Variants in PABPC4L observed in about 807,000 individuals in gnomAD.
PABPC4L encodes the protein poly(A) binding protein cytoplasmic 4 like, also known as polyadenylate-binding protein 4-like.
For synonymous variants in PABPC4L, 169 were observed against 164.1 expected (o/e 1.03, Z -0.23); for missense variants, 452 against 451.4 (o/e 1.00, Z -0.01).
the PABPC4L span, among the ~76,000 whole-genome samples, chr4:134,034,581 A>C: frequency 6.6e-6 from 1 of 152,052 alleles, no homozygotes; most frequent in Non-Finnish European, 1.5e-5. Flanking sequence ...AACTATCAAC[A>C]TTCACAGCAA....
Position 134,200,488 on chromosome 4 carries a change from G to C in PABPC4L, c.532C>G (p.Arg178Gly), listed in dbSNP as rs762361113. The C allele has an allele frequency of 1.8e-5, 28 of 1,551,430 alleles. No individual in the cohort carries two copies. The East Asian group carries it at 6.6e-4, about 37-fold the overall frequency. The change falls in exon 2 of 2, where the codon CGT becomes GGT. Residue 178 changes from arginine (R) to glycine (G), a missense_variant. Physicochemically the swap from Arg to Gly is moderately radical, Grantham distance 125. Coordinates refer to ENST00000421491, the MANE Select transcript of PABPC4L (RefSeq NM_001114734.2). ...GCTTTGCTTCTGAGTTCAGCTTCAC[G>C]ATCTTTTCGGTTTTTGAATCTGCCA... is the stretch of plus-strand genomic sequence containing the variant. ...FVGRFKNRKD[R>G]EAELRSKASE...
At chr4:133,949,425 G>A in the PABPC4L span, among the ~76,000 whole-genome samples, 3 of 151,950 alleles carry the variant, frequency 2.0e-5, no homozygotes, top group Admixed American at 6.6e-5. Flanking sequence ...ACCAATACTC[G>A]GGCTTTCTTT....
chr4:134,178,418 A>C, the PABPC4L span, among the ~76,000 whole-genome samples: 1 of 151,998 alleles, frequency 6.6e-6, no homozygotes, highest in Non-Finnish European at 1.5e-5. Context: ...TCAAGGCTGA[A>C]CAAACATCAG....
chr4:134,172,457 T>C, the PABPC4L span, among the ~76,000 whole-genome samples: 2 of 152,198 alleles, frequency 1.3e-5, no homozygotes, highest in Non-Finnish European at 2.9e-5. Flanking sequence ...TGCCTAGCCA[T>C]ATGCAGAAGA....
chr4:134,051,528 C>G, the PABPC4L span, among the ~76,000 whole-genome samples: 1 of 152,188 alleles, frequency 6.6e-6, no homozygotes, highest in South Asian at 2.1e-4. Flanking sequence ...TTTTAAAGAA[C>G]GGATGTAGTC....
At chr4:134,135,117 A>T in the PABPC4L span, among the ~76,000 whole-genome samples, 1 of 152,294 alleles carries the variant, frequency 6.6e-6, no homozygotes, top group South Asian at 2.1e-4. Context: ...TAGGCTAATC[A>T]TTGATAAGAC....
chr4:133,951,055 T>C, the PABPC4L span, among the ~76,000 whole-genome samples: 1 of 152,240 alleles, frequency 6.6e-6, no homozygotes, highest in African/African-American at 2.4e-5. Flanking sequence ...AGCCATTAGA[T>C]AAGCTACCTT....
chr4:133,961,980 G>C, the PABPC4L span, among the ~76,000 whole-genome samples: 1 of 152,150 alleles, frequency 6.6e-6, no homozygotes. Flanking sequence ...CACAGAACAA[G>C]GGGCTTGCCG....
the PABPC4L span, among the ~76,000 whole-genome samples, chr4:134,057,337 G>A: frequency 6.6e-6 from 1 of 151,850 alleles, no homozygotes; most frequent in Non-Finnish European, 1.5e-5. Context: ...TCTTTTCTGT[G>A]GGGAGTTACT....
chr4:134,102,311 T>C, the PABPC4L span, among the ~76,000 whole-genome samples: 6 of 151,594 alleles, frequency 4.0e-5, no homozygotes, highest in South Asian at 1.2e-3. Context: ...AGTTTCTATC[T>C]TAACTGAGCT....
chr4:134,187,821 A>G, the PABPC4L span, among the ~76,000 whole-genome samples: 1 of 151,884 alleles, frequency 6.6e-6, no homozygotes, highest in African/African-American at 2.4e-5. Context: ...GTGACTTTAT[A>G]TTCGAAGTGA....
At chr4:134,084,152 G>A in the PABPC4L span, among the ~76,000 whole-genome samples, 1 of 152,026 alleles carries the variant, frequency 6.6e-6, no homozygotes, top group African/African-American at 2.4e-5. Flanking sequence ...GGGCCCAAGG[G>A]ATTATCCTGC....
the PABPC4L span, among the ~76,000 whole-genome samples, chr4:134,098,772 G>A: frequency 1.3e-5 from 2 of 151,594 alleles, no homozygotes; most frequent in African/African-American, 4.8e-5. Context: ...AGCAAATGGA[G>A]AATGATAATA....
the PABPC4L span, among the ~76,000 whole-genome samples, chr4:133,970,681 C>T: frequency 6.6e-6 from 1 of 152,158 alleles, no homozygotes; most frequent in African/African-American, 2.4e-5. Context: ...CGTTGAAATT[C>T]TAACCCTCAA....
At chr4:133,966,604 A>G in the PABPC4L span, among the ~76,000 whole-genome samples, 2 of 152,210 alleles carry the variant, frequency 1.3e-5, no homozygotes, top group Non-Finnish European at 2.9e-5. Flanking sequence ...GTATATTTAT[A>G]TACAATGGAA....
At chr4:133,967,583 G>A in the PABPC4L span, among the ~76,000 whole-genome samples, 2 of 152,172 alleles carry the variant, frequency 1.3e-5, no homozygotes, top group African/African-American at 4.8e-5. Context: ...TAGAAGAAGA[G>A]GACCTAGACA....
the PABPC4L span, among the ~76,000 whole-genome samples, chr4:134,039,752 C>T: frequency 2.4e-4 from 37 of 151,860 alleles, no homozygotes; most frequent in South Asian, 3.7e-3. Context: ...TGCAGCACAC[C>T]GATGGGTCTT....
the PABPC4L span, among the ~76,000 whole-genome samples, chr4:134,078,106 C>G: frequency 6.6e-6 from 1 of 152,074 alleles, no homozygotes; most frequent in African/African-American, 2.4e-5. Context: ...TAAGTGATAA[C>G]TAACCTAAAA....
the PABPC4L span, among the ~76,000 whole-genome samples, chr4:134,111,899 C>A: frequency 6.6e-6 from 1 of 151,820 alleles, no homozygotes; most frequent in Non-Finnish European, 1.5e-5. Context: ...GACTAAGGCA[C>A]AAAGATTTTA....
Sources: allele counts gnomAD v4.1 joint callset (sites outside exome capture counted in the v4.1 genomes callset), GRCh38; gene constraint gnomAD v4.1.1; transcripts MANE v1.5; gene names NCBI Gene and HGNC (gene_info 2026-07-23, HGNC 2026-07-21).